Variants in TBX20 observed in about 807,000 individuals in gnomAD.
The protein encoded by TBX20 is T-box transcription factor TBX20.
A neutral mutation model predicts 42.9 loss-of-function variants in TBX20; 8 were observed. The ratio of observed to expected loss-of-function variants is 0.19; its 90% CI spans 0.11 to 0.34. The LOEUF (loss-of-function observed/expected upper bound fraction) is 0.34. Ranked by LOEUF, TBX20 falls within the 10% of genes least tolerant of loss-of-function variation. The pLI is 1.00. For synonymous variants in TBX20, 198 were observed against 222.8 expected (o/e 0.89, Z 0.99); for missense variants, 411 against 566.0 (o/e 0.73, Z 2.78).
At chr7:35,212,412 T>C (rs1402614505) in intron 6 of TBX20, among the ~76,000 whole-genome samples, 1 of 152,230 alleles carries the variant, frequency 6.6e-6, no homozygotes, top group Non-Finnish European at 1.5e-5. Context: ...CTCTTCACTA[T>C]GGGTCATGTT....
chr7:35,210,355 T>TCCAC (rs1053373444), intron 6 of TBX20, among the ~76,000 whole-genome samples: 1 of 152,030 alleles, frequency 6.6e-6, no homozygotes, highest in African/African-American at 2.4e-5. Context: ...GACCTCATGA[T>TCCAC]CCACCTGCCT....
intron 4 of TBX20, among the ~76,000 whole-genome samples, chr7:35,242,771 C>CTAGTCTAGGA (rs1469843223): frequency 4.6e-5 from 7 of 152,244 alleles, no homozygotes; most frequent in African/African-American, 1.7e-4. Flanking sequence ...GACTAAGGAA[C>CTAGTCTAGGA]ACTAATAGAA....
intron 3 of TBX20, among the ~76,000 whole-genome samples, chr7:35,246,558 T>C (rs1355882960): frequency 3.9e-5 from 6 of 152,194 alleles, no homozygotes; most frequent in Non-Finnish European, 4.4e-5. Flanking sequence ...GAAAAGGAGA[T>C]GTCCTATATG....
At chr7:35,253,387 C>T (rs543932450) in intron 1 of TBX20, 107 bp downstream of exon 1, 32 of 1,357,550 alleles carry the variant, frequency 2.4e-5, no homozygotes, top group Non-Finnish European at 3.2e-5. Flanking sequence ...CGATGTATGG[C>T]TCATGGCTTG....
chr7:35,216,165 T>C (rs1370025819), intron 6 of TBX20, among the ~76,000 whole-genome samples: 1 of 152,168 alleles, frequency 6.6e-6, no homozygotes, highest in Non-Finnish European at 1.5e-5. Flanking sequence ...TCTCAGACTT[T>C]AGTGTTCACC....
At chr7:35,221,954 CT>C (rs1368360072) in intron 6 of TBX20, among the ~76,000 whole-genome samples, 3 of 152,072 alleles carry the variant, frequency 2.0e-5, no homozygotes, top group African/African-American at 4.8e-5. Flanking sequence ...AAATTACTGG[CT>C]GAGGGAGGAG....
intron 4 of TBX20, among the ~76,000 whole-genome samples, chr7:35,241,348 CT>C (rs1255604066): frequency 8.5e-5 from 13 of 152,316 alleles, no homozygotes; most frequent in African/African-American, 3.1e-4. Context: ...CTTTTAAATA[CT>C]TTTGGTTTGC....
At chr7:35,221,295 C>CAAAA (rs1233218764) in intron 6 of TBX20, among the ~76,000 whole-genome samples, 1 of 77,832 alleles carries the variant, frequency 1.3e-5, no homozygotes, top group Non-Finnish European at 2.9e-5. Flanking sequence ...TTCGGTCTGG[C>CAAAA]AAAAAAAAAA....
rs1444186959 is a variant in TBX20, at chr7:35,208,699, G to C, written c.891-4117C>G. Among the ~76,000 whole-genome samples, 14 of 120,968 alleles carry C rather than the reference G, an allele frequency of 1.2e-4. No individual in the cohort carries two copies. In the Admixed American group the frequency reaches 1.6e-3, roughly 14 times the overall value. The allele number at this position is 120,968 out of a possible 152,430, so 79.4% of individuals were successfully genotyped here. A position where few individuals can be genotyped will look rare whatever the true frequency, so the allele number is the denominator to read the frequency against. On this transcript the variant is annotated intron_variant, in intron 6 of 7. Coordinates refer to ENST00000408931, the MANE Select transcript of TBX20 (RefSeq NM_001077653.2). ...GGAGGTTGCAGTGAGCCAAGATTGAGCCATTGCACTCCAGCCTGGGCAACA... is the reference window on the plus strand; with the variant it reads ...GGAGGTTGCAGTGAGCCAAGATTGACCCATTGCACTCCAGCCTGGGCAACA...
chr7:35,238,382 TAA>T (rs953510687), intron 5 of TBX20, among the ~76,000 whole-genome samples: 3 of 152,166 alleles, frequency 2.0e-5, no homozygotes, highest in African/African-American at 7.2e-5. Flanking sequence ...CTAAAAAAAA[TAA>T]AGAGGAAAAC....
chr7:35,225,751 A>C (rs936425534), intron 6 of TBX20, among the ~76,000 whole-genome samples: 2 of 152,244 alleles, frequency 1.3e-5, no homozygotes, highest in Non-Finnish European at 2.9e-5. Context: ...CACGAGCCTA[A>C]GCTAAATTCC....
At chr7:35,250,881 A>G (rs1790292632) in intron 1 of TBX20, among the ~76,000 whole-genome samples, 1 of 152,360 alleles carries the variant, frequency 6.6e-6, no homozygotes, top group Admixed American at 6.5e-5. Flanking sequence ...GCTAGCATAC[A>G]GCTTGCTAAA....
chr7:35,229,327 C>T (rs1195878858), intron 6 of TBX20, among the ~76,000 whole-genome samples: 3 of 152,066 alleles, frequency 2.0e-5, no homozygotes, highest in Non-Finnish European at 4.4e-5. Flanking sequence ...TGGTTTAGTG[C>T]AGTAACTGAC....
chr7:35,253,390 A>G, intron 1 of TBX20, 104 bp downstream of exon 1: 1 of 1,384,884 alleles, frequency 7.2e-7, no homozygotes, highest in Non-Finnish European at 9.9e-7. Flanking sequence ...TGTATGGCTC[A>G]TGGCTTGAGC....
At position 35,202,726 on chromosome 7, in the gene TBX20, C is replaced by T; in HGVS notation, c.1048G>A (p.Val350Ile). ...TSDNLSLSSW[V>I]SSSSSFPGFQ... ...CCAGGAAAACTGGAAGAAGATGATA[C>T]CCAGGAGCTGAGAGACAAATTATCA... is the stretch of plus-strand genomic sequence containing the variant. Residue 350 changes from valine (V) to isoleucine (I), a missense_variant, in exon 8 of 8, where the codon GTA becomes ATA. Coordinates refer to ENST00000408931, the MANE Select transcript of TBX20 (RefSeq NM_001077653.2). The T allele has an allele frequency of 1.3e-6, 2 of 1,583,284 alleles. No individual in the cohort carries two copies. Among genetic ancestry groups the T allele is most frequent in the Non-Finnish European group, 1.7e-6 (2 of 1,164,620 alleles).
Position 35,250,235 on chromosome 7 carries a change from G to A in TBX20, c.128-32C>T, listed in dbSNP as rs1330524732. 3 of 1,612,218 alleles carry A rather than the reference G, an allele frequency of 1.9e-6. No individual in the cohort carries two copies. The African/African-American group carries it at 4.0e-5, about 22-fold the overall frequency. On this transcript the variant is annotated intron_variant, in intron 1 of 7. Transcript: ENST00000408931. ...GTAAAGAGAATTGTGAATGACAGCT[G>A]ACACTGTTCAACAAGGAAAGATCTG...
intron 6 of TBX20, among the ~76,000 whole-genome samples, chr7:35,230,006 T>C (rs144752447): frequency 0.011 from 1,662 of 152,056 alleles, 29 homozygotes; most frequent in African/African-American, 0.038. Context: ...TCTCCCAATA[T>C]ATCACGTGTA....
intron 6 of TBX20, among the ~76,000 whole-genome samples, chr7:35,227,115 AACTTACGGAAT>A (rs976481255): frequency 2.0e-5 from 3 of 152,088 alleles, no homozygotes; most frequent in African/African-American, 7.2e-5. Context: ...AAATTGAAAA[AACTTACGGAAT>A]AAGGATATAA....
At position 35,236,086 on chromosome 7, in the gene TBX20, C is replaced by T. The variant is rs111498516; in HGVS notation, c.814-4506G>A. ...ATCCAATAATGTAAAGAAATGCAAT[C>T]ATTCCCTCACAAAAACCAGAGAAAG... On this transcript the variant is annotated intron_variant, in intron 5 of 7. Transcript: ENST00000408931. 8.7e-3 allele frequency among the ~76,000 whole-genome samples: 1,321 copies of T among 152,222 alleles called. 11 individuals carry two copies. Among genetic ancestry groups the T allele is most frequent in the Non-Finnish European group, 0.013 (867 of 67,998 alleles).
Sources: gnomAD v4.1 joint callset for allele counts (sites outside exome capture counted in the v4.1 genomes callset) on GRCh38, gnomAD v4.1.1 for gene constraint, MANE v1.5 for transcripts, NCBI Gene and HGNC (gene_info 2026-07-23, HGNC 2026-07-21) for gene names.